The following RGL1 variants were observed in gnomAD, a reference collection of about 807,000 sequenced individuals.
The protein encoded by RGL1 is ral guanine nucleotide dissociation stimulator like 1, also known as ral guanine nucleotide dissociation stimulator-like 1.
Under a neutral mutation model 95.2 loss-of-function variants are expected in RGL1, and 24 were observed. The observed-to-expected ratio is 0.25, with a 90% CI of 0.18 to 0.35. The LOEUF is 0.35. Ranked by LOEUF, RGL1 falls within the 10% of genes least tolerant of loss-of-function variation. The probability of loss-of-function intolerance (pLI) is 1.00; values close to 1 mark genes in which losing one functional copy is unlikely to be tolerated. For missense variants in RGL1, 715 were observed against 936.3 expected (o/e 0.76, Z 3.08); for synonymous variants, 329 against 344.9 (o/e 0.95, Z 0.51).
chr1:183,723,267 C>G (rs1264370773), intron 1 of RGL1, among the ~76,000 whole-genome samples: 1 of 152,172 alleles, frequency 6.6e-6, no homozygotes, highest in African/African-American at 2.4e-5. Context: ...TGAATAGAAG[C>G]CTTCAACCAA....
At chr1:183,833,607 A>G (rs1415910798) in intron 2 of RGL1, among the ~76,000 whole-genome samples, 1 of 152,238 alleles carries the variant, frequency 6.6e-6, no homozygotes, top group African/African-American at 2.4e-5. Context: ...TTCACAAAAA[A>G]GTGTTAAAAT....
At chr1:183,847,986 A>G (rs1159603500) in intron 3 of RGL1, among the ~76,000 whole-genome samples, 1 of 152,234 alleles carries the variant, frequency 6.6e-6, no homozygotes, top group Admixed American at 6.5e-5. Context: ...TAAAAGATTT[A>G]TAAAAGAGTT....
chr1:183,916,903 A>G (rs574393248), intron 16 of RGL1, among the ~76,000 whole-genome samples: 1 of 152,276 alleles, frequency 6.6e-6, no homozygotes, highest in Non-Finnish European at 1.5e-5. Flanking sequence ...AAATATATAT[A>G]CATATATATG....
At chr1:183,729,038 C>T (rs1020194267) in intron 1 of RGL1, among the ~76,000 whole-genome samples, 6 of 152,032 alleles carry the variant, frequency 3.9e-5, no homozygotes, top group African/African-American at 7.2e-5. Context: ...ATAACCTTCA[C>T]GTAGGCAAAG....
chr1:183,770,903 TG>T (rs1558197323), intron 2 of RGL1, among the ~76,000 whole-genome samples: 2 of 152,178 alleles, frequency 1.3e-5, no homozygotes, highest in African/African-American at 4.8e-5. Flanking sequence ...ATGAGACAAT[TG>T]GGCTGGTTTC....
chr1:183,924,421 A>G (rs1264557366), intron 17 of RGL1, among the ~76,000 whole-genome samples: 2 of 152,152 alleles, frequency 1.3e-5, no homozygotes, highest in Non-Finnish European at 2.9e-5. Context: ...AACAATGAGA[A>G]CATGAGAACA....
chr1:183,770,920 T>C (rs924091916), intron 2 of RGL1, among the ~76,000 whole-genome samples: 1 of 152,194 alleles, frequency 6.6e-6, no homozygotes, highest in Non-Finnish European at 1.5e-5. Context: ...GTTTCAGTGT[T>C]AGAACCACTC....
At chr1:183,810,886 T>C (rs916907093) in intron 2 of RGL1, among the ~76,000 whole-genome samples, 1 of 152,238 alleles carries the variant, frequency 6.6e-6, no homozygotes, top group African/African-American at 2.4e-5. Context: ...CTCACTGTTG[T>C]GCATTTACCT....
In RGL1 at chr1:183,900,176, C is replaced by G. The variant is rs746436938; in HGVS notation, c.1257C>G (p.Tyr419Ter). Residue 419 changes from tyrosine (Y) to a stop codon, truncating the protein, a stop_gained, in exon 11 of 18, where the codon TAC becomes TAG. Transcript: ENST00000360851. LOFTEE classifies it high-confidence loss of function. Reference sequence around the variant, plus strand: ...GTGTGATGCAGGGAACTGTGCCCTACCTGGGCACCTTCCTGACTGACCTGA... The same window carrying G: ...GTGTGATGCAGGGAACTGTGCCCTAGCTGGGCACCTTCCTGACTGACCTGA... ...DMGVMQGTVP[Y>*]LGTFLTDLTM... 1 of 1,613,650 alleles carries G rather than the reference C, an allele frequency of 6.2e-7. No homozygotes were observed. The highest frequency in any genetic ancestry group is 8.5e-7 in the Non-Finnish European group (1 of 1,179,680).
In RGL1 at chr1:183,912,070, G is replaced by T; in HGVS notation, c.1563-12G>T. 6.2e-7 allele frequency: 1 copy of T among 1,608,184 alleles called. No homozygotes were observed. The highest frequency in any genetic ancestry group is 8.5e-7 in the Non-Finnish European group (1 of 1,176,126). On this transcript the variant is annotated splice_polypyrimidine_tract_variant and intron_variant, in intron 14 of 17. Coordinates refer to ENST00000360851, the MANE Select transcript of RGL1 (RefSeq NM_001297671.3). Reference sequence around the variant, plus strand: ...TAACAGCCCAAATGCTTGGCATTCTGTTTTTTTCCAGACTGTTTCTAGGGT... The same window carrying T: ...TAACAGCCCAAATGCTTGGCATTCTTTTTTTTTCCAGACTGTTTCTAGGGT...
At chr1:183,764,859 A>C (rs1239728159) in intron 2 of RGL1, among the ~76,000 whole-genome samples, 1 of 152,228 alleles carries the variant, frequency 6.6e-6, no homozygotes, top group Non-Finnish European at 1.5e-5. Flanking sequence ...AAAAATAAGC[A>C]TCAGTCCCAC....
chr1:183,670,114 T>A (rs1652340901), intron 1 of RGL1, among the ~76,000 whole-genome samples: 3 of 152,140 alleles, frequency 2.0e-5, no homozygotes, highest in African/African-American at 7.2e-5. Context: ...AATTGTGAAC[T>A]TCATCACTGT....
intron 2 of RGL1, among the ~76,000 whole-genome samples, chr1:183,797,150 C>T (rs565408010): frequency 6.6e-5 from 10 of 151,876 alleles, no homozygotes; most frequent in South Asian, 2.1e-4. Flanking sequence ...GCCAACATGG[C>T]GAAACCCCGT....
intron 2 of RGL1, among the ~76,000 whole-genome samples, chr1:183,818,367 C>T (rs1191685873): frequency 1.3e-5 from 2 of 152,324 alleles, no homozygotes; most frequent in East Asian, 3.9e-4. Flanking sequence ...CATTTATGTG[C>T]AGCTCTCTTA....
intron 3 of RGL1, among the ~76,000 whole-genome samples, chr1:183,848,768 C>G (rs1664617072): frequency 6.6e-6 from 1 of 152,026 alleles, no homozygotes; most frequent in Non-Finnish European, 1.5e-5. Flanking sequence ...CACATATTAA[C>G]ATTTTAAAAA....
At chr1:183,876,383 G>C (rs1666499328) in intron 4 of RGL1, among the ~76,000 whole-genome samples, 1 of 152,208 alleles carries the variant, frequency 6.6e-6, no homozygotes. Context: ...ATGTTGCCAA[G>C]AATGCCTGAG....
At chr1:183,909,057 G>C (rs1572590037) in intron 14 of RGL1, among the ~76,000 whole-genome samples, 1 of 152,210 alleles carries the variant, frequency 6.6e-6, no homozygotes, top group Non-Finnish European at 1.5e-5. Context: ...ACAAAGTGTG[G>C]TAGGTACTCA....
At chr1:183,660,082 G>A (rs1405526845) in intron 1 of RGL1, among the ~76,000 whole-genome samples, 2 of 152,078 alleles carry the variant, frequency 1.3e-5, no homozygotes, top group African/African-American at 4.8e-5. Context: ...AGGAACACCC[G>A]GTACTAGCCA....
chr1:183,860,100 T>A (rs1241964571), intron 3 of RGL1, among the ~76,000 whole-genome samples: 1 of 152,170 alleles, frequency 6.6e-6, no homozygotes, highest in Non-Finnish European at 1.5e-5. Flanking sequence ...TACAGAAAAA[T>A]GCCTAAGATG....
Sources: gnomAD v4.1 joint callset for allele counts (sites outside exome capture counted in the v4.1 genomes callset) on GRCh38, gnomAD v4.1.1 for gene constraint, MANE v1.5 for transcripts, NCBI Gene and HGNC (gene_info 2026-07-23, HGNC 2026-07-21) for gene names.